The following SH3D19 variants were observed in gnomAD, a reference collection of about 807,000 sequenced individuals.
The protein encoded by SH3D19 is SH3 domain containing 19.
Under a neutral mutation model 112.1 loss-of-function variants are expected in SH3D19, and 58 were observed. That is an observed-to-expected ratio of 0.52 (90% CI 0.42 to 0.64). The LOEUF is 0.64. SH3D19 is among the 30% of genes least tolerant of loss of function. The probability of loss-of-function intolerance (pLI) is 0.00; values close to 1 mark genes in which losing one functional copy is unlikely to be tolerated. For synonymous variants in SH3D19, 391 were observed against 448.5 expected (o/e 0.87, Z 1.62); for missense variants, 1,090 against 1,263.4 (o/e 0.86, Z 2.08).
At chr4:151,264,799 T>C (rs1257873056) in intron 1 of SH3D19, among the ~76,000 whole-genome samples, 2 of 152,200 alleles carry the variant, frequency 1.3e-5, no homozygotes, top group South Asian at 4.1e-4. Flanking sequence ...TTTTCCTTTT[T>C]TTCTGATATA....
chr4:151,172,050 T>C (rs977611461), intron 7 of SH3D19, among the ~76,000 whole-genome samples: 2 of 152,258 alleles, frequency 1.3e-5, no homozygotes, highest in Non-Finnish European at 2.9e-5. Context: ...TTATGAATGC[T>C]ATTTTATTAG....
At chr4:151,226,009 A>C (rs1011151821) in intron 2 of SH3D19, 38 bp downstream of exon 2, 3 of 1,207,490 alleles carry the variant, frequency 2.5e-6, no homozygotes, top group Non-Finnish European at 3.1e-6. Context: ...TCAAATAAGA[A>C]GCTTTATACA....
At chr4:151,250,344 A>C (rs1049799729) in intron 1 of SH3D19, among the ~76,000 whole-genome samples, 3 of 152,182 alleles carry the variant, frequency 2.0e-5, no homozygotes, top group Non-Finnish European at 4.4e-5. Context: ...GCATGGAAGG[A>C]CTTTGAAAAA....
chr4:151,227,124 C>T (rs1769132914), intron 1 of SH3D19, among the ~76,000 whole-genome samples: 3 of 152,096 alleles, frequency 2.0e-5, no homozygotes. Context: ...TGAATTAATG[C>T]TAACAAGATA....
At chr4:151,207,528 G>A (rs1021264055) in intron 2 of SH3D19, among the ~76,000 whole-genome samples, 4 of 152,282 alleles carry the variant, frequency 2.6e-5, no homozygotes, top group Non-Finnish European at 4.4e-5. Flanking sequence ...TAGCACTAGT[G>A]AAAAGAGAGG....
Position 151,176,639 on chromosome 4 carries a change from C to T in SH3D19, c.424G>A (p.Val142Ile), listed in dbSNP as rs1469860864. ...QVIKEINQVQVNTTNNNNAAA... is the reference protein window; with the variant it reads ...QVIKEINQVQINTTNNNNAAA... ...GCATTATTATTATTTGTAGTATTAA[C>T]TTGAACTTGGTTGATTTCTTTTATA... The change falls in exon 6 of 20, where the codon GTT becomes ATT. Residue 142 changes from valine (V) to isoleucine (I), a missense_variant. Physicochemically the swap from Val to Ile is conservative, Grantham distance 29. Transcript: ENST00000604030. The T allele has an allele frequency of 1.6e-6, 2 of 1,231,878 alleles. No homozygotes were observed. Among genetic ancestry groups the T allele is most frequent in the African/African-American group, 1.6e-5 (1 of 64,404 alleles). The allele number at this position is 1,231,878 out of a possible 1,614,324, so 76.3% of individuals were successfully genotyped here.
At chr4:151,271,811 T>C (rs1773245337) in intron 1 of SH3D19, among the ~76,000 whole-genome samples, 1 of 152,242 alleles carries the variant, frequency 6.6e-6, no homozygotes, top group African/African-American at 2.4e-5. Flanking sequence ...AAGCTAAGTA[T>C]TAACTCTATA....
intron 1 of SH3D19, among the ~76,000 whole-genome samples, chr4:151,247,752 A>C (rs1194922929): frequency 1.3e-5 from 2 of 152,236 alleles, no homozygotes; most frequent in African/African-American, 4.8e-5. Context: ...ATGTGGATTA[A>C]ATAAGATAGC....
rs1759994177 is a variant in SH3D19 at position 151,176,613 on chromosome 4, A to C, written c.450T>G (p.Ala150=). The part of the protein sequence containing the change: ...VQVNTTNNNN[A]AATPRHTITS... ...TAATAGTGTGCCTTGGAGTAGCAGC[A>C]GCATTATTATTATTTGTAGTATTAA... Residue 150 remains alanine, a synonymous_variant, in exon 6 of 20, where the codon GCT becomes GCG. Transcript: ENST00000604030. The C allele has an allele frequency of 4.9e-6, 6 of 1,231,604 alleles. No homozygotes were observed. In the African/African-American group the frequency reaches 9.3e-5, roughly 19 times the overall value. The allele number at this position is 1,231,604 out of a possible 1,614,324, so 76.3% of individuals were successfully genotyped here.
At chr4:151,229,218 T>C (rs1191400910) in intron 1 of SH3D19, among the ~76,000 whole-genome samples, 2 of 152,138 alleles carry the variant, frequency 1.3e-5, no homozygotes, top group East Asian at 1.9e-4. Context: ...GGGGAGAATA[T>C]TTCTAAAGGT....
chr4:151,292,114 C>A (rs1180633111), intron 1 of SH3D19, among the ~76,000 whole-genome samples: 2 of 152,082 alleles, frequency 1.3e-5, no homozygotes, highest in Non-Finnish European at 2.9e-5. Context: ...CCAGCCTGGG[C>A]AACACAGCCC....
At chr4:151,203,179 C>T (rs571810458) in intron 2 of SH3D19, among the ~76,000 whole-genome samples, 3 of 152,256 alleles carry the variant, frequency 2.0e-5, no homozygotes, top group African/African-American at 7.2e-5. Flanking sequence ...ATTCCCATGA[C>T]AGGACCCCCA....
chr4:151,184,465 A>AGTGTTTAGTATTTAGT (rs1761425864), intron 3 of SH3D19, among the ~76,000 whole-genome samples: 1 of 152,236 alleles, frequency 6.6e-6, no homozygotes, highest in Non-Finnish European at 1.5e-5. Flanking sequence ...CATCAGGAAT[A>AGTGTTTAGTATTTAGT]CAAGTATTTC....
intron 9 of SH3D19, among the ~76,000 whole-genome samples, chr4:151,155,410 T>C (rs76094485): frequency 0.045 from 6,885 of 152,322 alleles, 245 homozygotes; most frequent in Non-Finnish European, 0.073. Flanking sequence ...TTTAATTTAA[T>C]GTCTCCTTCA....
Position 151,175,132 on chromosome 4 carries a change from C to T in SH3D19, c.1072G>A (p.Val358Met), listed in dbSNP as rs1759748978. Residue 358 changes from valine to methionine, a missense_variant, in exon 7 of 20, where the codon GTG (valine) becomes ATG (methionine). Transcript: ENST00000604030. Reference sequence around the variant, plus strand: ...GGGGTGAGTCCTTCCTTGGAGGTCACCTTGAGTCTGTTCTCAGTCCCAGAG... The same window carrying T: ...GGGGTGAGTCCTTCCTTGGAGGTCATCTTGAGTCTGTTCTCAGTCCCAGAG... ...WDSGTENRLK[V>M]TSKEGLTPYP... The T allele has an allele frequency of 2.5e-6, 4 of 1,614,100 alleles. No homozygotes were observed. Among genetic ancestry groups the T allele is most frequent in the Non-Finnish European group, 3.4e-6 (4 of 1,180,022 alleles).
At chr4:151,185,773 T>C (rs766936216) in intron 3 of SH3D19, among the ~76,000 whole-genome samples, 14 of 152,144 alleles carry the variant, frequency 9.2e-5, no homozygotes, top group Non-Finnish European at 2.1e-4. Flanking sequence ...ATAATGGGCA[T>C]GGTGGCTCAC....
intron 2 of SH3D19, among the ~76,000 whole-genome samples, chr4:151,201,763 C>T (rs1764418324): frequency 6.6e-6 from 1 of 152,116 alleles, no homozygotes; most frequent in Admixed American, 6.5e-5. Flanking sequence ...ATAATCTCAG[C>T]ACTTTGGGAG....
intron 1 of SH3D19, among the ~76,000 whole-genome samples, chr4:151,294,902 G>C (rs1775593535): frequency 6.6e-6 from 1 of 152,206 alleles, no homozygotes; most frequent in Admixed American, 6.5e-5. Flanking sequence ...GGTTCTCTGA[G>C]GAGGTGACAT....
chr4:151,141,151 G>C (rs1312404594), intron 12 of SH3D19: 3 of 151,910 alleles, frequency 2.0e-5, no homozygotes, highest in Non-Finnish European at 4.4e-5. Context: ...TTTGACACAG[G>C]GTCTTGCTCT....
Sources: allele counts gnomAD v4.1 joint callset (sites outside exome capture counted in the v4.1 genomes callset), GRCh38; gene constraint gnomAD v4.1.1; transcripts MANE v1.5; gene names NCBI Gene and HGNC (gene_info 2026-07-23, HGNC 2026-07-21).